The following ONECUT1 variants were observed in gnomAD, a reference collection of about 807,000 sequenced individuals.
ONECUT1 encodes the protein one cut homeobox 1.
ONECUT1 carries 12 observed loss-of-function variants against 25.6 expected under a neutral mutation model. The ratio of observed to expected loss-of-function variants is 0.47; its 90% CI spans 0.30 to 0.76. The LOEUF is 0.76. ONECUT1 is among the 30% of genes least tolerant of loss of function. The pLI, the probability that ONECUT1 is intolerant of heterozygous loss-of-function variation, is 0.07. For missense variants in ONECUT1, 620 were observed against 651.2 expected, an observed-to-expected ratio of 0.95 and a Z score of 0.52; for synonymous variants, 285 against 270.2, an observed-to-expected ratio of 1.05 and a Z score of -0.54.
intron 1 of ONECUT1, among the ~76,000 whole-genome samples, chr15:52,759,680 C>T (rs1232779816): frequency 1.3e-5 from 2 of 152,186 alleles, no homozygotes; most frequent in African/African-American, 4.8e-5. Flanking sequence ...CACACTGCAA[C>T]CTCTGCCTCC....
rs374551730 is a variant in ONECUT1, at chr15:52,789,843, G to T, written c.42C>A (p.His14Gln). 205 of 1,541,236 alleles carry T rather than the reference G, an allele frequency of 1.3e-4. No homozygotes were observed. The highest frequency in any genetic ancestry group is 1.7e-4 in the Non-Finnish European group (197 of 1,154,892). ...CGGGCACCGGCTCATGGCTCACCCCGTGCAGCTCGCCGATCGCTTCCATGG... is the reference window on the plus strand; with the variant it reads ...CGGGCACCGGCTCATGGCTCACCCCTTGCAGCTCGCCGATCGCTTCCATGG... ...QLTMEAIGEL[H>Q]GVSHEPVPAP... is the part of the protein sequence containing the mutation. The change falls in exon 1 of 2, where the codon CAC (histidine) becomes CAA (glutamine). Residue 14 changes from histidine (H) to glutamine (Q), a missense_variant. Coordinates refer to ENST00000305901, the MANE Select transcript of ONECUT1 (RefSeq NM_004498.4). This position sits in a 1 kb window ranked among gnomAD's most constrained non-coding sequence, Gnocchi z 4.1.
intron 1 of ONECUT1, among the ~76,000 whole-genome samples, chr15:52,759,870 T>C (rs1051520754): frequency 2.0e-5 from 3 of 151,960 alleles, no homozygotes; most frequent in Non-Finnish European, 4.4e-5. Context: ...TGGCCTCCCA[T>C]TAGAGGTGTG....
intron 1 of ONECUT1, among the ~76,000 whole-genome samples, chr15:52,776,965 A>G (rs886646505): frequency 2.0e-5 from 3 of 152,196 alleles, no homozygotes; most frequent in Non-Finnish European, 2.9e-5. Flanking sequence ...GTGGGGTGGA[A>G]CCTGAGGGTC....
chr15:52,780,537 C>T lies in ONECUT1; in HGVS notation c.1105+8243G>A, dbSNP rs79402245. 9.2e-3 allele frequency: 13,744 copies of T among 1,487,630 alleles called. 440 individuals carry two copies. In the East Asian group the frequency reaches 0.12, roughly 13 times the overall value. The allele number at this position is 1,487,630 out of a possible 1,614,324, so 92.2% of individuals were successfully genotyped here. On this transcript the variant is annotated intron_variant, in intron 1 of 1. Coordinates refer to ENST00000305901, the MANE Select transcript of ONECUT1 (RefSeq NM_004498.4). ...AGTAATTAGAATTTAATCACTTTAACTGCATCTTAATTACCCCAAATGAAT... is the reference window on the plus strand; with the variant it reads ...AGTAATTAGAATTTAATCACTTTAATTGCATCTTAATTACCCCAAATGAAT...
At chr15:52,782,892 A>AGCTGAGG (rs2083850408) in intron 1 of ONECUT1, among the ~76,000 whole-genome samples, 1 of 152,244 alleles carries the variant, frequency 6.6e-6, no homozygotes, top group Non-Finnish European at 1.5e-5. Flanking sequence ...CAAGGCCTCA[A>AGCTGAGG]GCTGAGGAGC....
intron 1 of ONECUT1, among the ~76,000 whole-genome samples, chr15:52,758,845 C>T (rs957056486): frequency 3.3e-5 from 5 of 152,182 alleles, no homozygotes; most frequent in Non-Finnish European, 5.9e-5. Context: ...CTAGTTTCCA[C>T]CTGCTAGAGG....
At chr15:52,775,452 A>AACAC (rs139797470) in intron 1 of ONECUT1, among the ~76,000 whole-genome samples, 16,238 of 140,840 alleles carry the variant, frequency 0.12, 1,090 homozygotes, top group African/African-American at 0.19. Context: ...TTTAAAGAGG[A>AACAC]ACACACACAC....
In ONECUT1 at chr15:52,784,495, C is replaced by G. The variant is rs1042356202; in HGVS notation, c.1105+4285G>C. The stretch of plus-strand genomic sequence containing the variant: ...TCGCCACACAATAGCCATCAGCCCC[C>G]CTTAAGCCCCAGAAGTAGGTTTCCC... On this transcript the variant is annotated intron_variant, in intron 1 of 1. Coordinates refer to ENST00000305901, the MANE Select transcript of ONECUT1 (RefSeq NM_004498.4). This position sits in a 1 kb window ranked among gnomAD's most constrained non-coding sequence, Gnocchi z 5.0. 6.6e-6 allele frequency among the ~76,000 whole-genome samples: 1 copy of G among 152,178 alleles called. No individual in the cohort carries two copies. Among genetic ancestry groups the G allele is most frequent in the Non-Finnish European group, 1.5e-5 (1 of 68,024 alleles).
At chr15:52,776,919 G>A (rs2083804808) in intron 1 of ONECUT1, among the ~76,000 whole-genome samples, 1 of 152,198 alleles carries the variant, frequency 6.6e-6, no homozygotes, top group African/African-American at 2.4e-5. Context: ...AATTTCCTGG[G>A]GGTCTTGCTG....
In ONECUT1 at chr15:52,780,564, G is replaced by T. The variant is rs1039695838; in HGVS notation, c.1105+8216C>A. The T allele has an allele frequency of 2.0e-6, 3 of 1,530,608 alleles. No homozygotes were observed. In the African/African-American group the frequency reaches 4.1e-5, roughly 21 times the overall value. 94.8% of individuals were successfully genotyped at this position (1,530,608 alleles called of 1,614,324 possible). A position where few individuals can be genotyped will look rare whatever the true frequency, so the allele number is the denominator to read the frequency against. ...GCATCTTAATTACCCCAAATGAATT[G>T]AAAGGACATTTAATAGCAAAGATTA... On this transcript the variant is annotated intron_variant, in intron 1 of 1. Coordinates refer to ENST00000305901, the MANE Select transcript of ONECUT1 (RefSeq NM_004498.4).
chr15:52,788,407 A>T lies in ONECUT1; in HGVS notation c.1105+373T>A. 4.7e-6 allele frequency: 1 copy of T among 214,128 alleles called. No homozygotes were observed. The allele number at this position is 214,128 out of a possible 1,614,324, so 13.3% of individuals were successfully genotyped here. A position where few individuals can be genotyped will look rare whatever the true frequency, so the allele number is the denominator to read the frequency against. On this transcript the variant is annotated intron_variant, in intron 1 of 1. Transcript: ENST00000305901. This position sits in a 1 kb window ranked among gnomAD's most constrained non-coding sequence, Gnocchi z 4.3. ...GCGTGCGATTCCACGCACGCGTTGCATCCCTCTTCCCAAACCCGGATCGCT... is the reference window on the plus strand; with the variant it reads ...GCGTGCGATTCCACGCACGCGTTGCTTCCCTCTTCCCAAACCCGGATCGCT...
intron 1 of ONECUT1, among the ~76,000 whole-genome samples, chr15:52,759,566 A>G (rs2083693508): frequency 6.6e-6 from 1 of 152,212 alleles, no homozygotes; most frequent in South Asian, 2.1e-4. Context: ...GTGTTAGTAT[A>G]CTACTATATT....
At chr15:52,761,955 T>G (rs1400035025) in intron 1 of ONECUT1, among the ~76,000 whole-genome samples, 2 of 152,168 alleles carry the variant, frequency 1.3e-5, no homozygotes, top group Admixed American at 1.3e-4. Flanking sequence ...ATTAGGTGGT[T>G]GTACAGCAGA....
intron 1 of ONECUT1, among the ~76,000 whole-genome samples, chr15:52,771,306 A>G (rs1015322554): frequency 5.3e-5 from 8 of 152,074 alleles, no homozygotes; most frequent in Non-Finnish European, 1.0e-4. Context: ...AGAAAATTCT[A>G]TAGCCATTAA....
rs2083681860 is a variant in ONECUT1, at chr15:52,757,706, A to G, written c.1247T>C (p.Ile416Thr). 1 of 1,614,084 alleles carries G rather than the reference A, an allele frequency of 6.2e-7. No individual in the cohort carries two copies. The highest frequency in any genetic ancestry group is 2.2e-5 in the East Asian group (1 of 44,874). The change falls in exon 2 of 2, where the codon ATC becomes ACC. Residue 416 changes from isoleucine to threonine, a missense_variant. Around this residue, in one of 4 missense-constraint regions of ONECUT1, gnomAD observed 146 missense variants for 201.8 expected, o/e 0.72. Transcript: ENST00000305901. ...CAACCCCAGCTGCTGGGAAATGGTG[A>G]TTTGCAATTCTTTGGATGGACGCTT... ...ENKRPSKELQ[I>T]TISQQLGLEL...
In ONECUT1 at chr15:52,757,384, C is replaced by A; in HGVS notation, c.*171G>T. On this transcript the variant is annotated 3_prime_UTR_variant, in exon 2 of 2. Transcript: ENST00000305901. ...CCCTGCTGAAGTGTGTGTCTCCAAACAAAGTCAGAATGCAGGTGAGCTAAG... is the reference window on the plus strand; with the variant it reads ...CCCTGCTGAAGTGTGTGTCTCCAAAAAAAGTCAGAATGCAGGTGAGCTAAG... The A allele has an allele frequency of 1.4e-6, 1 of 723,772 alleles. No individual in the cohort carries two copies. The highest frequency in any genetic ancestry group is 1.8e-5 in the African/African-American group (1 of 55,766). The allele number at this position is 723,772 out of a possible 1,614,324, so 44.8% of individuals were successfully genotyped here. A position where few individuals can be genotyped will look rare whatever the true frequency, so the allele number is the denominator to read the frequency against.
At chr15:52,769,315 G>C (rs191536051) in intron 1 of ONECUT1, among the ~76,000 whole-genome samples, 1 of 152,200 alleles carries the variant, frequency 6.6e-6, no homozygotes, top group Non-Finnish European at 1.5e-5. Flanking sequence ...CAGCACCCTT[G>C]TTGGGAAAGC....
chr15:52,774,288 G>GTTATTTATTTAT (rs369887471), intron 1 of ONECUT1, among the ~76,000 whole-genome samples: 3,024 of 150,104 alleles, frequency 0.02, 81 homozygotes, highest in East Asian at 0.14. Context: ...AAGAAATGAA[G>GTTATTTATTTAT]TTATTTATTT....
intron 1 of ONECUT1, among the ~76,000 whole-genome samples, chr15:52,770,498 C>T (rs1464334760): frequency 1.3e-5 from 2 of 152,112 alleles, no homozygotes; most frequent in East Asian, 1.9e-4. Context: ...GCTGCTGGTC[C>T]GGGACTGCAC....
Sources: allele counts gnomAD v4.1 joint callset (sites outside exome capture counted in the v4.1 genomes callset), GRCh38; gene constraint gnomAD v4.1.1; regional missense constraint gnomAD v4.1.1; non-coding constraint Gnocchi (gnomAD v3.1); transcripts MANE v1.5; gene names NCBI Gene and HGNC (gene_info 2026-07-23, HGNC 2026-07-21).